The following SYN3 variants were observed in gnomAD, a reference collection of about 807,000 sequenced individuals.
SYN3 encodes synapsin-3.
A neutral mutation model predicts 65.8 loss-of-function variants in SYN3; 35 were observed. That is an observed-to-expected ratio of 0.53 (90% confidence interval 0.41 to 0.70). SYN3 has a LOEUF of 0.70. SYN3 is among the 30% of genes least tolerant of loss of function. SYN3 has a pLI of 0.00. For synonymous variants in SYN3, 270 were observed against 292.9 expected (o/e 0.92, Z 0.80); for missense variants, 680 against 749.0 (o/e 0.91, Z 1.08).
At chr22:33,047,424 C>T (rs1007453280) in intron 1 of SYN3, among the ~76,000 whole-genome samples, 3 of 152,202 alleles carry the variant, frequency 2.0e-5, no homozygotes, top group African/African-American at 7.2e-5. Flanking sequence ...CTTTGTATCA[C>T]CCCTCAAATC....
chr22:32,631,732 G>T (rs1006166558), intron 6 of SYN3, among the ~76,000 whole-genome samples: 4 of 152,160 alleles, frequency 2.6e-5, no homozygotes, highest in African/African-American at 9.7e-5. Flanking sequence ...ATCCTATGAG[G>T]TAGGTACTGT....
At chr22:33,019,423 C>G (rs1194151037) in intron 1 of SYN3, among the ~76,000 whole-genome samples, 9 of 152,180 alleles carry the variant, frequency 5.9e-5, no homozygotes, top group Non-Finnish European at 1.3e-4. Context: ...CCAGCTCTGC[C>G]ACTTACTCAT....
chr22:32,694,175 G>A (rs924073492), intron 6 of SYN3, among the ~76,000 whole-genome samples: 2 of 151,948 alleles, frequency 1.3e-5, no homozygotes, highest in Non-Finnish European at 2.9e-5. Flanking sequence ...TTACCATTAT[G>A]CTTTAAATAG....
chr22:33,002,332 C>A (rs1245795773), intron 2 of SYN3, among the ~76,000 whole-genome samples: 1 of 152,148 alleles, frequency 6.6e-6, no homozygotes, highest in African/African-American at 2.4e-5. Context: ...GTTGACTTTA[C>A]ATAGAGTATG....
At chr22:33,040,128 A>AT (rs1259796408) in intron 1 of SYN3, among the ~76,000 whole-genome samples, 8 of 149,856 alleles carry the variant, frequency 5.3e-5, no homozygotes, top group East Asian at 1.9e-4. Context: ...CACCCAGCTA[A>AT]TTTTTTTTGT....
intron 7 of SYN3, among the ~76,000 whole-genome samples, chr22:32,595,047 G>C (rs1462431866): frequency 2.6e-5 from 4 of 152,202 alleles, no homozygotes; most frequent in Non-Finnish European, 5.9e-5. Flanking sequence ...GTTCCCACTT[G>C]TTTCTGAACC....
chr22:32,541,452 A>G (rs2058252528), intron 8 of SYN3, 119 bp downstream of exon 8: 11 of 1,253,080 alleles, frequency 8.8e-6, no homozygotes, highest in Non-Finnish European at 1.2e-5. Context: ...GAAGAAGGGC[A>G]GTAAGGAGAC....
intron 6 of SYN3, among the ~76,000 whole-genome samples, chr22:32,614,555 G>A (rs1171917854): frequency 6.6e-6 from 1 of 152,196 alleles, no homozygotes; most frequent in Non-Finnish European, 1.5e-5. Context: ...CCAGTGGTGG[G>A]GAGGTGGGGA....
intron 6 of SYN3, among the ~76,000 whole-genome samples, chr22:32,682,257 G>T (rs1293783075): frequency 1.3e-5 from 2 of 152,136 alleles, no homozygotes; most frequent in African/African-American, 2.4e-5. Flanking sequence ...GCACAAGTCT[G>T]CCCCCACAAA....
In SYN3 at chr22:32,513,663, G is replaced by A; in HGVS notation, c.*29C>T. On this transcript the variant is annotated 3_prime_UTR_variant, in exon 14 of 14. Transcript: ENST00000358763. ...GCAGGAGGGGGACGAGTGTAGCAGA[G>A]CACTCTTCCCCTCCCAGCCTGGATG... is the stretch of plus-strand genomic sequence containing the variant. The A allele has an allele frequency of 6.2e-7, 1 of 1,612,004 alleles. No individual in the cohort carries two copies. Among genetic ancestry groups the A allele is most frequent in the Non-Finnish European group, 8.5e-7 (1 of 1,178,802 alleles).
At chr22:33,016,789 AT>A (rs1235275742) in intron 1 of SYN3, among the ~76,000 whole-genome samples, 1 of 152,142 alleles carries the variant, frequency 6.6e-6, no homozygotes, top group African/African-American at 2.4e-5. Context: ...AATTCCTTAT[AT>A]ATTTTGGATA....
chr22:32,848,010 AAT>A (rs1389996417), intron 6 of SYN3, among the ~76,000 whole-genome samples: 3 of 152,216 alleles, frequency 2.0e-5, no homozygotes, highest in Non-Finnish European at 1.5e-5. Flanking sequence ...TGGTTGAGCC[AAT>A]GAATGTTACT....
intron 1 of SYN3, among the ~76,000 whole-genome samples, chr22:33,042,830 C>T (rs190534139): frequency 9.7e-4 from 148 of 152,292 alleles, no homozygotes; most frequent in African/African-American, 3.5e-3. Flanking sequence ...TCTCCCACCC[C>T]TAAACTGTGC....
At chr22:32,617,956 T>A (rs2059543252) in intron 6 of SYN3, among the ~76,000 whole-genome samples, 1 of 152,016 alleles carries the variant, frequency 6.6e-6, no homozygotes, top group Non-Finnish European at 1.5e-5. Context: ...TGTGATTACT[T>A]ATCACAATAA....
chr22:32,599,671 C>T (rs2059253991), intron 6 of SYN3, among the ~76,000 whole-genome samples: 1 of 152,164 alleles, frequency 6.6e-6, no homozygotes, highest in African/African-American at 2.4e-5. Context: ...CATCAAGGCA[C>T]ACTTTTCTGG....
At chr22:32,982,163 A>G (rs1327751660) in intron 2 of SYN3, among the ~76,000 whole-genome samples, 1 of 152,216 alleles carries the variant, frequency 6.6e-6, no homozygotes, top group Non-Finnish European at 1.5e-5. Flanking sequence ...ACTATTCAAA[A>G]AAGGGAATCC....
At chr22:32,721,074 G>T (rs944324201) in intron 6 of SYN3, among the ~76,000 whole-genome samples, 1 of 152,224 alleles carries the variant, frequency 6.6e-6, no homozygotes, top group Non-Finnish European at 1.5e-5. Context: ...CTCATTAGCT[G>T]TACTTTTGCT....
chr22:32,675,507 G>A (rs1465875950), intron 6 of SYN3, among the ~76,000 whole-genome samples: 1 of 152,122 alleles, frequency 6.6e-6, no homozygotes. Flanking sequence ...CTGGCATCTG[G>A]TGTGCTGGGC....
rs76088157 is a variant in SYN3 at position 32,677,417 on chromosome 22, T to G, written c.712-80681A>C. 2.2e-3 allele frequency among the ~76,000 whole-genome samples: 329 copies of G among 152,304 alleles called. 5 individuals are homozygous for G. In the East Asian group the frequency reaches 0.038, roughly 17 times the overall value. ...TGTGCATACCATAAATCCTCATTGG[T>G]AGGGGACTGGTGGAATAAATTGTGG... On this transcript the variant is annotated intron_variant, in intron 6 of 13. Transcript: ENST00000358763.
Sources: gnomAD v4.1 joint callset for allele counts (sites outside exome capture counted in the v4.1 genomes callset) on GRCh38, gnomAD v4.1.1 for gene constraint, MANE v1.5 for transcripts, NCBI Gene and HGNC (gene_info 2026-07-23, HGNC 2026-07-21) for gene names.